EIF3H: variants seen among roughly 807,000 people sequenced by gnomAD.
EIF3H encodes the protein eIF-3-gamma.
EIF3H carries 26 observed loss-of-function variants against 44.2 expected under a neutral mutation model. That is an observed-to-expected ratio of 0.59 (90% CI 0.43 to 0.82). The LOEUF (loss-of-function observed/expected upper bound fraction) is 0.82. Among genes scored for constraint, EIF3H ranks in the 40% least tolerant of loss-of-function variants. The pLI is 0.00. For synonymous variants in EIF3H, 166 were observed against 151.9 expected (o/e 1.09, Z -0.68); for missense variants, 359 against 432.8 (o/e 0.83, Z 1.51).
rs1563663175 is a variant in EIF3H, at chr8:116,752,775, G to GGAA, written c.132+2890_132+2891insTTC. Reference sequence around the variant, plus strand: ...AAAGAGGGAGGGAGGGAGGGAGGGAGGGAGGGAGGGAGGGAGGGAGGGAAG... The same window carrying GGAA: ...AAAGAGGGAGGGAGGGAGGGAGGGAGGAAGGAGGGAGGGAGGGAGGGAGGGAAG... On this transcript the variant is annotated intron_variant, in intron 1 of 7. Transcript: ENST00000521861. Among the ~76,000 whole-genome samples, 184 of 59,990 alleles carry GGAA rather than the reference G, an allele frequency of 3.1e-3. 8 individuals are homozygous for GGAA. The highest frequency in any genetic ancestry group is 6.7e-3 in the Non-Finnish European group (144 of 21,410). The allele number at this position is 59,990 out of a possible 152,430, so 39.4% of individuals were successfully genotyped here.
intron 5 of EIF3H, among the ~76,000 whole-genome samples, chr8:116,654,938 A>G (rs547461377): frequency 1.3e-5 from 2 of 151,882 alleles, no homozygotes; most frequent in African/African-American, 2.4e-5. Context: ...TCTATCTAAG[A>G]TAACTAGAAA....
intron 2 of EIF3H, among the ~76,000 whole-genome samples, chr8:116,721,980 G>C (rs1050838241): frequency 6.6e-6 from 1 of 152,230 alleles, no homozygotes; most frequent in Non-Finnish European, 1.5e-5. Flanking sequence ...AGACTTCGGG[G>C]CACAGTTGGG....
chr8:116,652,618 T>C (rs1813414276), intron 5 of EIF3H, among the ~76,000 whole-genome samples: 1 of 152,196 alleles, frequency 6.6e-6, no homozygotes. Context: ...TTTACGTACG[T>C]AGATAGAGTG....
chr8:116,726,537 A>G (rs1814843500), intron 1 of EIF3H, among the ~76,000 whole-genome samples: 1 of 152,248 alleles, frequency 6.6e-6, no homozygotes, highest in South Asian at 2.1e-4. Context: ...TAATAGACAC[A>G]TAAATGACAA....
chr8:116,709,324 A>G (rs1440946797), intron 2 of EIF3H, among the ~76,000 whole-genome samples: 2 of 152,190 alleles, frequency 1.3e-5, no homozygotes, highest in Non-Finnish European at 2.9e-5. Flanking sequence ...CTTATTTTAA[A>G]TGTTTTAGAA....
chr8:116,650,640 T>C (rs1813373014), intron 5 of EIF3H, among the ~76,000 whole-genome samples: 1 of 152,150 alleles, frequency 6.6e-6, no homozygotes, highest in African/African-American at 2.4e-5. Flanking sequence ...GGAAAGAAGG[T>C]AGACACAAAA....
intron 1 of EIF3H, among the ~76,000 whole-genome samples, chr8:116,727,929 T>C (rs575325170): frequency 6.6e-6 from 1 of 152,312 alleles, no homozygotes; most frequent in Non-Finnish European, 1.5e-5. Flanking sequence ...TGTGAATTGG[T>C]GAGATCTATG....
At chr8:116,703,197 C>T (rs1338026299) in intron 2 of EIF3H, among the ~76,000 whole-genome samples, 1 of 152,068 alleles carries the variant, frequency 6.6e-6, no homozygotes, top group Non-Finnish European at 1.5e-5. Context: ...CTTTCTTCTA[C>T]CATTATAACC....
chr8:116,709,980 G>A (rs965436886), intron 2 of EIF3H, among the ~76,000 whole-genome samples: 60 of 152,276 alleles, frequency 3.9e-4, no homozygotes, highest in African/African-American at 1.3e-3. Flanking sequence ...TAGTTGGACT[G>A]GTTACAAAGG....
intron 2 of EIF3H, among the ~76,000 whole-genome samples, chr8:116,680,552 T>G (rs1056771773): frequency 8.6e-5 from 8 of 92,808 alleles, no homozygotes; most frequent in Admixed American, 7.1e-4. Context: ...CTCTGAAACA[T>G]GTGCTGTGTC....
At chr8:116,735,141 C>A (rs1281626435) in intron 1 of EIF3H, among the ~76,000 whole-genome samples, 1 of 152,190 alleles carries the variant, frequency 6.6e-6, no homozygotes, top group Non-Finnish European at 1.5e-5. Flanking sequence ...ACACATTGGA[C>A]TTTCAGGACC....
chr8:116,706,584 G>A lies in EIF3H; in HGVS notation c.289+19432C>T, dbSNP rs189006437. On this transcript the variant is annotated intron_variant, in intron 2 of 7. Transcript: ENST00000521861. ...GGGTCTCACTCTGTCACCCAGGCTG[G>A]AGTGCAGTGGCACCATCTCAGCTCA... is the stretch of plus-strand genomic sequence containing the variant. 2.0e-5 allele frequency among the ~76,000 whole-genome samples: 3 copies of A among 152,008 alleles called. No homozygotes were observed. The East Asian group carries it at 5.8e-4, about 29-fold the overall frequency.
chr8:116,757,807 C>T (rs1395431052), upstream of EIF3H, among the ~76,000 whole-genome samples: 3 of 151,602 alleles, frequency 2.0e-5, no homozygotes, highest in Admixed American at 1.3e-4. Flanking sequence ...CTGCAACCTC[C>T]GCCTCCCAGG....
chr8:116,670,172 C>T (rs537839899), intron 2 of EIF3H, among the ~76,000 whole-genome samples: 1 of 152,280 alleles, frequency 6.6e-6, no homozygotes, highest in South Asian at 2.1e-4. Context: ...TAGTCCAAAG[C>T]TTTCACCAAA....
chr8:116,645,066 G>A lies in EIF3H; in HGVS notation c.999C>T (p.Phe333=), dbSNP rs771805150. Residue 333 remains phenylalanine (F), a synonymous_variant, in exon 8 of 8, where the codon TTC becomes TTT. Transcript: ENST00000521861. ...INTYCQNIKE[F]TAQNLGKLFM... ...AGAGCTTGCCTAAGTTTTGGGCAGT[G>A]AACTCCTTGATGTTCTGGCAGTAAG... 2 of 1,614,134 alleles carry A rather than the reference G, an allele frequency of 1.2e-6. No homozygotes were observed. Among genetic ancestry groups the A allele is most frequent in the Non-Finnish European group, 8.5e-7 (1 of 1,180,002 alleles).
At chr8:116,697,618 C>T (rs563272252) in intron 2 of EIF3H, among the ~76,000 whole-genome samples, 6 of 152,314 alleles carry the variant, frequency 3.9e-5, no homozygotes, top group Admixed American at 6.5e-5. Flanking sequence ...GTTTACCCCC[C>T]TTACCAGAAA....
intron 2 of EIF3H, among the ~76,000 whole-genome samples, chr8:116,698,018 A>T (rs1259084905): frequency 1.3e-5 from 2 of 152,196 alleles, no homozygotes; most frequent in Non-Finnish European, 2.9e-5. Context: ...TAAACTTCAG[A>T]ACAACTCTTA....
At chr8:116,652,116 A>AG (rs990210094) in intron 5 of EIF3H, among the ~76,000 whole-genome samples, 3 of 152,196 alleles carry the variant, frequency 2.0e-5, no homozygotes, top group African/African-American at 7.2e-5. Flanking sequence ...TGAGCACAAG[A>AG]GGGGGTTCAC....
At chr8:116,646,653 G>GA (rs758296700) in intron 6 of EIF3H, 50 bp from the exon 7 acceptor site, 13 of 1,593,732 alleles carry the variant, frequency 8.2e-6, no homozygotes, top group Non-Finnish European at 1.1e-5. Flanking sequence ...ATCTGAGGAG[G>GA]AAAAAAAGAT....
Sources: gnomAD v4.1 joint callset for allele counts (sites outside exome capture counted in the v4.1 genomes callset) on GRCh38, gnomAD v4.1.1 for gene constraint, MANE v1.5 for transcripts, NCBI Gene and HGNC (gene_info 2026-07-23, HGNC 2026-07-21) for gene names.